The following DRC11 variants were observed in gnomAD, a reference collection of about 807,000 sequenced individuals.
DRC11 encodes the protein dynein regulatory complex subunit 11.
At chr2:236,381,361 C>G in the DRC11 span, among the ~76,000 whole-genome samples, 1 of 150,624 alleles carries the variant, frequency 6.6e-6, no homozygotes, top group African/African-American at 2.5e-5. This position sits in a 1 kb window ranked among gnomAD's most constrained non-coding sequence, Gnocchi z 5.8. Flanking sequence ...CAGTCCCAAT[C>G]GCCTTTCACA....
At chr2:236,392,836 AC>A in the DRC11 span, among the ~76,000 whole-genome samples, 2 of 152,206 alleles carry the variant, frequency 1.3e-5, no homozygotes, top group African/African-American at 4.8e-5. The surrounding 1 kb of genome is among the most constrained non-coding windows in gnomAD (Gnocchi z 5.1). Context: ...ACACACAAGT[AC>A]CCAGTATTTC....
chr2:236,361,188 G>A, the DRC11 span, among the ~76,000 whole-genome samples: 1 of 152,152 alleles, frequency 6.6e-6, no homozygotes, highest in African/African-American at 2.4e-5. This position sits in a 1 kb window ranked among gnomAD's most constrained non-coding sequence, Gnocchi z 5.7. Flanking sequence ...AAATGAAAAC[G>A]AGTAATAAGC....
the DRC11 span, among the ~76,000 whole-genome samples, chr2:236,442,372 T>C: frequency 2.0e-5 from 3 of 152,292 alleles, no homozygotes; most frequent in Admixed American, 6.5e-5. Context: ...GGTTGAAGTA[T>C]AGGAAGAAAA....
chr2:236,384,323 C>T, the DRC11 span, among the ~76,000 whole-genome samples: 45 of 152,140 alleles, frequency 3.0e-4, no homozygotes, highest in Admixed American at 5.2e-4. Context: ...CTCTCCAGCA[C>T]CTGTTGTTGC....
chr2:236,400,456 T>TA, the DRC11 span, among the ~76,000 whole-genome samples: 3 of 152,220 alleles, frequency 2.0e-5, no homozygotes, highest in South Asian at 6.2e-4. This position sits in a 1 kb window ranked among gnomAD's most constrained non-coding sequence, Gnocchi z 7.9. Context: ...CACCTGCGCC[T>TA]AATAGTGAGA....
chr2:236,428,749 T>C, the DRC11 span, among the ~76,000 whole-genome samples: 17 of 152,354 alleles, frequency 1.1e-4, no homozygotes, highest in African/African-American at 3.6e-4. Context: ...TAATTATTGA[T>C]AGGAAGAACT....
chr2:236,440,802 T>C, the DRC11 span, among the ~76,000 whole-genome samples: 1 of 151,990 alleles, frequency 6.6e-6, no homozygotes, highest in Admixed American at 6.6e-5. Context: ...CAGAATTTAC[T>C]AAGAAAACGA....
the DRC11 span, among the ~76,000 whole-genome samples, chr2:236,316,884 G>A: frequency 5.3e-5 from 8 of 152,302 alleles, no homozygotes; most frequent in South Asian, 2.1e-4. The surrounding 1 kb of genome is among the most constrained non-coding windows in gnomAD (Gnocchi z 6.8). Flanking sequence ...GATGCTCTGG[G>A]GCGAGCAGCT....
At chr2:236,314,386 A>G in the DRC11 span, among the ~76,000 whole-genome samples, 2 of 152,230 alleles carry the variant, frequency 1.3e-5, no homozygotes, top group African/African-American at 4.8e-5. The surrounding 1 kb of genome is among the most constrained non-coding windows in gnomAD (Gnocchi z 4.5). Flanking sequence ...AATGTTGAAC[A>G]TTTTCCTGCT....
chr2:236,373,818 C>A, the DRC11 span, among the ~76,000 whole-genome samples: 1 of 152,150 alleles, frequency 6.6e-6, no homozygotes, highest in East Asian at 1.9e-4. Context: ...CGGTGGTTTG[C>A]TTTCTGAGAT....
the DRC11 span, among the ~76,000 whole-genome samples, chr2:236,411,211 C>A: frequency 6.6e-6 from 1 of 152,166 alleles, no homozygotes; most frequent in Non-Finnish European, 1.5e-5. Flanking sequence ...AAAAAACAAA[C>A]AACCCCATCA....
At chr2:236,339,292 C>T in the DRC11 span, among the ~76,000 whole-genome samples, 2 of 152,150 alleles carry the variant, frequency 1.3e-5, no homozygotes, top group Non-Finnish European at 2.9e-5. Flanking sequence ...TGTAAGGGTT[C>T]TTTGTAGGTT....
chr2:236,388,201 G>A, the DRC11 span, among the ~76,000 whole-genome samples: 2 of 151,978 alleles, frequency 1.3e-5, no homozygotes, highest in Middle Eastern at 3.4e-3. Context: ...GAATCTGAAC[G>A]TTGACCTGCC....
the DRC11 span, among the ~76,000 whole-genome samples, chr2:236,346,502 G>T: frequency 6.6e-6 from 1 of 152,234 alleles, no homozygotes; most frequent in African/African-American, 2.4e-5. Context: ...GCTACAATCT[G>T]TGCTGGCAGC....
the DRC11 span, among the ~76,000 whole-genome samples, chr2:236,474,797 T>A: frequency 6.6e-6 from 1 of 152,170 alleles, no homozygotes; most frequent in Admixed American, 6.5e-5. Context: ...TGCCATTTAA[T>A]ATTACTTTTT....
At chr2:236,437,167 C>T in the DRC11 span, among the ~76,000 whole-genome samples, 5 of 144,512 alleles carry the variant, frequency 3.5e-5, no homozygotes, top group Admixed American at 2.8e-4. Context: ...GTTCAATTCC[C>T]ACCTATGAGT....
At chr2:236,408,414 G>C in the DRC11 span, 1 of 741,312 alleles carries the variant, frequency 1.3e-6, no homozygotes, top group Non-Finnish European at 2.5e-6. This position sits in a 1 kb window ranked among gnomAD's most constrained non-coding sequence, Gnocchi z 5.5. Flanking sequence ...TGGTCACCTT[G>C]AAGACGTCAA....
At chr2:236,463,614 A>AAT in the DRC11 span, among the ~76,000 whole-genome samples, 4 of 152,240 alleles carry the variant, frequency 2.6e-5, no homozygotes, top group Admixed American at 6.5e-5. The surrounding 1 kb of genome is among the most constrained non-coding windows in gnomAD (Gnocchi z 5.0). Flanking sequence ...TTGAGGAGAT[A>AAT]GTGTATTAGG....
the DRC11 span, among the ~76,000 whole-genome samples, chr2:236,359,479 T>C: frequency 6.6e-6 from 1 of 152,140 alleles, no homozygotes; most frequent in Non-Finnish European, 1.5e-5. This position sits in a 1 kb window ranked among gnomAD's most constrained non-coding sequence, Gnocchi z 4.3. Flanking sequence ...GACAAGCATT[T>C]CCCTGTAGTT....
Sources: gnomAD v4.1 joint callset for allele counts (sites outside exome capture counted in the v4.1 genomes callset) on GRCh38, gnomAD v4.1.1 for gene constraint, Gnocchi (gnomAD v3.1) non-coding constraint, MANE v1.5 for transcripts, NCBI Gene and HGNC (gene_info 2026-07-23, HGNC 2026-07-21) for gene names.